Variants in SLC4A10 observed in about 807,000 individuals in gnomAD.
The protein encoded by SLC4A10 is solute carrier family 4 member 10, also known as sodium-driven chloride bicarbonate exchanger.
A neutral mutation model predicts 137.7 loss-of-function variants in SLC4A10; 42 were observed. The ratio of observed to expected loss-of-function variants is 0.30; its 90% CI spans 0.24 to 0.39. SLC4A10 has a LOEUF of 0.39. SLC4A10 is among the 10% of genes least tolerant of loss of function. SLC4A10 has a pLI of 1.00. For synonymous variants in SLC4A10, 474 were observed against 464.1 expected (o/e 1.02, Z -0.27); for missense variants, 925 against 1,355.0 (o/e 0.68, Z 4.98).
At chr2:161,860,166 A>G (rs2060353204) in intron 5 of SLC4A10, among the ~76,000 whole-genome samples, 1 of 152,238 alleles carries the variant, frequency 6.6e-6, no homozygotes, top group African/African-American at 2.4e-5. Context: ...AAGTAGATAT[A>G]ATTTGATACA....
At chr2:161,869,479 T>C (rs912463984) in intron 6 of SLC4A10, among the ~76,000 whole-genome samples, 2 of 151,670 alleles carry the variant, frequency 1.3e-5, no homozygotes, top group African/African-American at 2.4e-5. Flanking sequence ...TTCAATTAGT[T>C]CTATATACTA....
chr2:161,782,448 A>C (rs1390877031), intron 2 of SLC4A10, among the ~76,000 whole-genome samples: 1 of 151,978 alleles, frequency 6.6e-6, no homozygotes, highest in African/African-American at 2.4e-5. Context: ...ACACCAATGC[A>C]TAGAGTCAAG....
In SLC4A10 at chr2:161,691,189, G is replaced by A. The variant is rs144468289; in HGVS notation, c.48+66623G>A. 6.6e-3 allele frequency among the ~76,000 whole-genome samples: 1,003 copies of A among 151,964 alleles called. 13 individuals carry two copies. The highest frequency in any genetic ancestry group is 0.023 in the African/African-American group (943 of 41,436). On this transcript the variant is annotated intron_variant, in intron 1 of 26. Coordinates refer to ENST00000446997, the MANE Select transcript of SLC4A10 (RefSeq NM_001178015.2). Reference sequence around the variant, plus strand: ...GCTCATTTACAGATATAACCCAACAGTTGTATTCCCTAGAAAGTTTTGGAT... The same window carrying A: ...GCTCATTTACAGATATAACCCAACAATTGTATTCCCTAGAAAGTTTTGGAT...
intron 2 of SLC4A10, among the ~76,000 whole-genome samples, chr2:161,781,722 G>A (rs1294219709): frequency 2.6e-5 from 4 of 151,896 alleles, no homozygotes; most frequent in East Asian, 1.9e-4. Flanking sequence ...GGAAACCTTC[G>A]TCCCCACCAC....
intron 15 of SLC4A10, among the ~76,000 whole-genome samples, chr2:161,908,481 A>G (rs1225834819): frequency 6.7e-6 from 1 of 150,086 alleles, no homozygotes; most frequent in Admixed American, 6.6e-5. Flanking sequence ...GATATACCTA[A>G]TGCTAAATGA....
At chr2:161,772,072 A>G (rs952324116) in intron 2 of SLC4A10, among the ~76,000 whole-genome samples, 4 of 151,854 alleles carry the variant, frequency 2.6e-5, no homozygotes, top group African/African-American at 9.7e-5. Context: ...CTCAACAACT[A>G]TACCGACTCT....
chr2:161,795,810 G>A (rs2054711806), intron 2 of SLC4A10, among the ~76,000 whole-genome samples: 1 of 152,018 alleles, frequency 6.6e-6, no homozygotes, highest in African/African-American at 2.4e-5. Flanking sequence ...CATAGTAGAT[G>A]GTACATTGTA....
At chr2:161,626,863 G>C (rs1362870899) in intron 1 of SLC4A10, among the ~76,000 whole-genome samples, 2 of 152,078 alleles carry the variant, frequency 1.3e-5, no homozygotes, top group Non-Finnish European at 2.9e-5. Flanking sequence ...CTGGGCTGAA[G>C]TTTTTACGCT....
chr2:161,945,175 T>A (rs1693508034), intron 16 of SLC4A10, among the ~76,000 whole-genome samples: 1 of 109,990 alleles, frequency 9.1e-6, no homozygotes, highest in East Asian at 3.8e-4. Context: ...AGTACTTAAG[T>A]TTGTGTGTAT....
intron 2 of SLC4A10, among the ~76,000 whole-genome samples, chr2:161,787,622 C>T (rs1257644714): frequency 6.6e-6 from 1 of 151,986 alleles, no homozygotes; most frequent in Non-Finnish European, 1.5e-5. Flanking sequence ...TTTTAAAATG[C>T]TTTTCTATTT....
chr2:161,763,384 G>T (rs779983282), intron 1 of SLC4A10, among the ~76,000 whole-genome samples: 1 of 152,050 alleles, frequency 6.6e-6, no homozygotes, highest in Non-Finnish European at 1.5e-5. Flanking sequence ...CACTCAAAAG[G>T]GGTGATAAAG....
intron 18 of SLC4A10, 81 bp from the exon 19 acceptor site, chr2:161,950,606 C>T (rs1017068889): frequency 3.7e-6 from 5 of 1,340,780 alleles, no homozygotes; most frequent in Non-Finnish European, 3.1e-6. Flanking sequence ...TAGGGCTTTC[C>T]TAGTAGCATC....
At chr2:161,949,734 A>T (rs565377924) in intron 18 of SLC4A10, among the ~76,000 whole-genome samples, 10 of 151,658 alleles carry the variant, frequency 6.6e-5, no homozygotes, top group African/African-American at 2.4e-4. Flanking sequence ...TCAAATTTTG[A>T]AATATTTGCA....
intron 1 of SLC4A10, among the ~76,000 whole-genome samples, chr2:161,668,107 TA>T (rs1339362389): frequency 6.6e-6 from 1 of 151,796 alleles, no homozygotes; most frequent in Non-Finnish European, 1.5e-5. Context: ...AGTTGTCTAA[TA>T]AACAACTCTG....
At chr2:161,786,910 T>C (rs1439272299) in intron 2 of SLC4A10, among the ~76,000 whole-genome samples, 1 of 151,948 alleles carries the variant, frequency 6.6e-6, no homozygotes, top group Non-Finnish European at 1.5e-5. Context: ...ATCATAGTAT[T>C]GTTAGCTAGT....
At chr2:161,924,612 G>A (rs544739741) in intron 15 of SLC4A10, among the ~76,000 whole-genome samples, 10 of 152,150 alleles carry the variant, frequency 6.6e-5, no homozygotes, top group African/African-American at 1.9e-4. Context: ...TTGATTTATA[G>A]GTGAGTAATG....
Position 161,661,292 on chromosome 2 carries a change from T to A in SLC4A10, c.48+36726T>A, listed in dbSNP as rs528237692. On this transcript the variant is annotated intron_variant, in intron 1 of 26. Transcript: ENST00000446997. The stretch of plus-strand genomic sequence containing the variant: ...GATCGAGAGACTATCCTGGCCAACA[T>A]GGTGAAACCCCGTCTCTACTAAAAA... Among the ~76,000 whole-genome samples the A allele has an allele frequency of 1.1e-3, 171 of 152,210 alleles. 2 individuals carry two copies. In the South Asian group the frequency reaches 0.02, roughly 18 times the overall value.
At chr2:161,756,012 AC>A (rs562929569) in intron 1 of SLC4A10, among the ~76,000 whole-genome samples, 1 of 150,744 alleles carries the variant, frequency 6.6e-6, no homozygotes, top group Non-Finnish European at 1.5e-5. Context: ...CTTGTGATCC[AC>A]CCCCCTCAGC....
At chr2:161,743,410 T>C (rs183948679) in intron 1 of SLC4A10, among the ~76,000 whole-genome samples, 1 of 152,320 alleles carries the variant, frequency 6.6e-6, no homozygotes, top group East Asian at 1.9e-4. Flanking sequence ...GGCACCATTA[T>C]CAAAAATGAG....
Sources: gnomAD v4.1 joint callset for allele counts (sites outside exome capture counted in the v4.1 genomes callset) on GRCh38, gnomAD v4.1.1 for gene constraint, MANE v1.5 for transcripts, NCBI Gene and HGNC (gene_info 2026-07-23, HGNC 2026-07-21) for gene names.